The following PEX14 variants were observed in gnomAD, a reference collection of about 807,000 sequenced individuals.
The protein encoded by PEX14 is peroxisomal membrane protein PEX14.
A neutral mutation model predicts 49.5 loss-of-function variants in PEX14; 15 were observed. The ratio of observed to expected loss-of-function variants is 0.30; its 90% CI spans 0.20 to 0.47. PEX14 has a LOEUF of 0.47. Ranked by LOEUF, PEX14 falls within the 20% of genes least tolerant of loss-of-function variation. The probability of loss-of-function intolerance (pLI) is 1.00; values close to 1 mark genes in which losing one functional copy is unlikely to be tolerated. For synonymous variants in PEX14, 210 were observed against 212.7 expected (o/e 0.99, Z 0.11); for missense variants, 398 against 494.8 (o/e 0.80, Z 1.86).
At chr1:10,476,332 G>T (rs1641193566) in intron 1 of PEX14, among the ~76,000 whole-genome samples, 1 of 152,212 alleles carries the variant, frequency 6.6e-6, no homozygotes, top group Admixed American at 6.5e-5. Flanking sequence ...CCTTCTCACT[G>T]TCAGGTGTTC....
At chr1:10,570,347 T>C (rs1488697655) in intron 3 of PEX14, among the ~76,000 whole-genome samples, 1 of 152,172 alleles carries the variant, frequency 6.6e-6, no homozygotes, top group Non-Finnish European at 1.5e-5. Flanking sequence ...TTCATTTTCT[T>C]TTTTGAGACG....
chr1:10,593,259 G>A (rs1640722950), intron 3 of PEX14, among the ~76,000 whole-genome samples: 1 of 152,214 alleles, frequency 6.6e-6, no homozygotes, highest in South Asian at 2.1e-4. Context: ...GTGTTGAGCT[G>A]AGAATTATCT....
intron 3 of PEX14, among the ~76,000 whole-genome samples, chr1:10,590,710 C>T (rs1323656494): frequency 6.6e-6 from 1 of 152,116 alleles, no homozygotes; most frequent in Non-Finnish European, 1.5e-5. Flanking sequence ...CAACCAATAC[C>T]AGATTCATTT....
chr1:10,620,398 G>A (rs1238109277), intron 5 of PEX14, among the ~76,000 whole-genome samples: 1 of 152,118 alleles, frequency 6.6e-6, no homozygotes, highest in Non-Finnish European at 1.5e-5. Context: ...GGTGGTGGGA[G>A]GATCACTTGG....
At chr1:10,475,434 T>A (rs1641178968) in intron 1 of PEX14, among the ~76,000 whole-genome samples, 1 of 152,244 alleles carries the variant, frequency 6.6e-6, no homozygotes, top group Non-Finnish European at 1.5e-5. Context: ...CTCAGCCTCC[T>A]GGAGCGGCTG....
intron 2 of PEX14, chr1:10,535,969 G>C (rs17035180): frequency 4.1e-6 from 2 of 482,574 alleles, no homozygotes; most frequent in African/African-American, 2.0e-5. Context: ...AAGGATCGTC[G>C]CAGGCCTGAA....
chr1:10,627,451 C>A, intron 8 of PEX14, 88 bp downstream of exon 8: 1 of 914,890 alleles, frequency 1.1e-6, no homozygotes, highest in Non-Finnish European at 1.8e-6. Flanking sequence ...ATGACGCCCA[C>A]CCCCACCCCC....
chr1:10,567,344 A>G (rs1639835164), intron 3 of PEX14, among the ~76,000 whole-genome samples: 1 of 152,146 alleles, frequency 6.6e-6, no homozygotes, highest in East Asian at 1.9e-4. Context: ...TTCACTTGAA[A>G]TGTTTCTTTG....
chr1:10,535,231 CTG>C (rs1638764925), intron 2 of PEX14, among the ~76,000 whole-genome samples: 1 of 152,206 alleles, frequency 6.6e-6, no homozygotes, highest in Admixed American at 6.5e-5. Context: ...GGGCTGGTGT[CTG>C]GGGTGGAAAG....
chr1:10,558,540 G>A lies in PEX14; in HGVS notation c.169+22243G>A, dbSNP rs146733033. 6.1e-3 allele frequency among the ~76,000 whole-genome samples: 922 copies of A among 151,948 alleles called. 8 individuals are homozygous for A. Among genetic ancestry groups the A allele is most frequent in the African/African-American group, 0.021 (871 of 41,488 alleles). On this transcript the variant is annotated intron_variant, in intron 3 of 8. Transcript: ENST00000356607. ...ATTTGAGGTTAGGAGTTCAAGACCA[G>A]CCTGACTAACATAGTGAAACCCCAT... is the stretch of plus-strand genomic sequence containing the variant.
In PEX14 at chr1:10,524,698, T is replaced by C. The variant is rs552335244; in HGVS notation, c.85-11515T>C. ...ATCATTTGATTGATTGATTGATTGA[T>C]TGATTGATTTTTAGAGACGGGGTCT... On this transcript the variant is annotated intron_variant, in intron 2 of 8. Coordinates refer to ENST00000356607, the MANE Select transcript of PEX14 (RefSeq NM_004565.3). Among the ~76,000 whole-genome samples the C allele has an allele frequency of 2.6e-5, 4 of 152,190 alleles. No homozygotes were observed. The East Asian group carries it at 5.8e-4, about 22-fold the overall frequency.
At chr1:10,547,744 A>G (rs1263660329) in intron 3 of PEX14, among the ~76,000 whole-genome samples, 2 of 152,184 alleles carry the variant, frequency 1.3e-5, no homozygotes, top group African/African-American at 2.4e-5. Flanking sequence ...AAAACCACAG[A>G]TAAAGGGAGA....
intron 2 of PEX14, among the ~76,000 whole-genome samples, chr1:10,527,249 G>A (rs1205016564): frequency 6.7e-6 from 1 of 148,334 alleles, no homozygotes; most frequent in Non-Finnish European, 1.5e-5. Context: ...GCCAGGCATG[G>A]TGGCTCACGC....
intron 4 of PEX14, among the ~76,000 whole-genome samples, chr1:10,606,548 G>C (rs1641132558): frequency 6.6e-6 from 1 of 152,214 alleles, no homozygotes; most frequent in Non-Finnish European, 1.5e-5. Flanking sequence ...CTCTGGGCTG[G>C]GGAGGAACAC....
intron 4 of PEX14, among the ~76,000 whole-genome samples, chr1:10,599,872 AG>A (rs751896802): frequency 6.6e-6 from 1 of 152,154 alleles, no homozygotes; most frequent in Non-Finnish European, 1.5e-5. Flanking sequence ...GCGGTCTGTT[AG>A]GGAATTTCAG....
rs1430658144 is a variant in PEX14, at chr1:10,613,280, T to C, written c.299-5052T>C. 6.6e-6 allele frequency among the ~76,000 whole-genome samples: 1 copy of C among 152,196 alleles called. No homozygotes were observed. Among genetic ancestry groups the C allele is most frequent in the Non-Finnish European group, 1.5e-5 (1 of 68,034 alleles). On this transcript the variant is annotated intron_variant, in intron 4 of 8. Coordinates refer to ENST00000356607, the MANE Select transcript of PEX14 (RefSeq NM_004565.3). The surrounding 1 kb of genome is among the most constrained non-coding windows in gnomAD (Gnocchi z 5.0). ...TAAAGAAACAGAGTCATGTTGGTTT[T>C]GTTGGTGTTCAGTGAATAGTTAGGA...
chr1:10,525,063 A>G (rs1227651104), intron 2 of PEX14, among the ~76,000 whole-genome samples: 1 of 152,112 alleles, frequency 6.6e-6, no homozygotes, highest in African/African-American at 2.4e-5. Context: ...TGTTTATGGT[A>G]TTTAGTGAAA....
At position 10,475,025 on chromosome 1, in the gene PEX14, G is replaced by C. The variant is rs761468297; in HGVS notation, c.36+23G>C. 3 of 1,601,112 alleles carry C rather than the reference G, an allele frequency of 1.9e-6. No homozygotes were observed. The South Asian group carries it at 3.4e-5, about 18-fold the overall frequency. On this transcript the variant is annotated intron_variant, in intron 1 of 8. Coordinates refer to ENST00000356607, the MANE Select transcript of PEX14 (RefSeq NM_004565.3). ...CAGGTAAGGGGAGTGGGACTGCCCCGCTGTGCGGCGGAGACCCCGGCTGGA... is the reference window on the plus strand; with the variant it reads ...CAGGTAAGGGGAGTGGGACTGCCCCCCTGTGCGGCGGAGACCCCGGCTGGA...
At position 10,529,113 on chromosome 1, in the gene PEX14, G is replaced by A. The variant is rs1331812303; in HGVS notation, c.85-7100G>A. Among the ~76,000 whole-genome samples, 1 of 152,212 alleles carries A rather than the reference G, an allele frequency of 6.6e-6. No individual in the cohort carries two copies. The highest frequency in any genetic ancestry group is 2.4e-5 in the African/African-American group (1 of 41,456). ...GGGCTGCTATCTAAATTCAGGTGGG[G>A]ATGCGTGGGGACAAGGCATTTAAAT... On this transcript the variant is annotated intron_variant, in intron 2 of 8. Transcript: ENST00000356607. This position sits in a 1 kb window ranked among gnomAD's most constrained non-coding sequence, Gnocchi z 4.2.
Sources: gnomAD v4.1 joint callset for allele counts (sites outside exome capture counted in the v4.1 genomes callset) on GRCh38, gnomAD v4.1.1 for gene constraint, Gnocchi (gnomAD v3.1) non-coding constraint, MANE v1.5 for transcripts, NCBI Gene and HGNC (gene_info 2026-07-23, HGNC 2026-07-21) for gene names.